Variants in FREM1 observed in about 807,000 individuals in gnomAD.
The protein encoded by FREM1 is FRAS1-related extracellular matrix protein 1.
In FREM1, 220 loss-of-function variants were observed where a neutral mutation model predicts 210.1. The ratio of observed to expected loss-of-function variants is 1.05; its 90% CI spans 0.94 to 1.17. FREM1 has a LOEUF of 1.17. Ranked by LOEUF, FREM1 falls within the 50% of genes most tolerant of loss-of-function variation. The pLI is 0.00. For missense variants in FREM1, 3,454 were observed against 2,675.5 expected (o/e 1.29, Z -6.42); for synonymous variants, 1,189 against 980.2 (o/e 1.21, Z -3.98).
Position 14,823,201 on chromosome 9 carries a change from A to T in FREM1, c.2296T>A (p.Phe766Ile). 6.2e-7 allele frequency: 1 copy of T among 1,613,984 alleles called. No individual in the cohort carries two copies. The highest frequency in any genetic ancestry group is 1.3e-5 in the African/African-American group (1 of 75,056). ...QHGGTLHGIC[F>I]NITILPVDNQ... ...TCCACTGGGAGGATTGTAATGTTAA[A>T]GCAGATCCCATGCAAAGTACCGCCA... The change falls in exon 13 of 37, where the codon TTT becomes ATT. Residue 766 changes from phenylalanine (F) to isoleucine (I), a missense_variant. Coordinates refer to ENST00000380880, the MANE Select transcript of FREM1 (RefSeq NM_001379081.2).
At chr9:14,755,121 C>T (rs1844078725) in intron 29 of FREM1, among the ~76,000 whole-genome samples, 1 of 152,174 alleles carries the variant, frequency 6.6e-6, no homozygotes, top group Non-Finnish European at 1.5e-5. Context: ...ATGCTGACAG[C>T]TTGATCTTGG....
chr9:14,873,125 A>G (rs1276126283), intron 1 of FREM1, among the ~76,000 whole-genome samples: 2 of 152,132 alleles, frequency 1.3e-5, no homozygotes, highest in African/African-American at 2.4e-5. Flanking sequence ...TTGGTCTAAA[A>G]TTCTCTTTTT....
At chr9:14,851,682 A>G in intron 5 of FREM1, 75 bp from the exon 6 acceptor site, 1 of 1,155,612 alleles carries the variant, frequency 8.7e-7, no homozygotes, top group South Asian at 1.2e-5. Flanking sequence ...TAATAGCATA[A>G]TATTTAATAC....
At chr9:14,792,161 G>A (rs1458491040) in intron 22 of FREM1, among the ~76,000 whole-genome samples, 1 of 151,984 alleles carries the variant, frequency 6.6e-6, no homozygotes, top group Non-Finnish European at 1.5e-5. Context: ...GGAGCTAGAG[G>A]CAGCCCTCCA....
intron 6 of FREM1, 55 bp downstream of exon 6, chr9:14,851,229 C>T: frequency 7.5e-7 from 1 of 1,336,362 alleles, no homozygotes; most frequent in Admixed American, 2.3e-5. Context: ...GTAGGGGGTT[C>T]TTAAATAACC....
intron 19 of FREM1, 93 bp downstream of exon 19, chr9:14,804,863 G>A: frequency 2.3e-6 from 2 of 868,168 alleles, no homozygotes; most frequent in Non-Finnish European, 3.8e-6. Context: ...CCAATGCAAT[G>A]TGTTAATGCA....
At chr9:14,885,187 C>A (rs1018170343) in intron 1 of FREM1, among the ~76,000 whole-genome samples, 2 of 151,814 alleles carry the variant, frequency 1.3e-5, no homozygotes, top group African/African-American at 4.8e-5. Context: ...GCCTCCCCAT[C>A]ATTGCTTTTT....
chr9:14,828,298 C>G (rs762405483), intron 10 of FREM1, among the ~76,000 whole-genome samples: 2 of 152,214 alleles, frequency 1.3e-5, no homozygotes. Flanking sequence ...TATTCACAAG[C>G]CTCAAGACTT....
intron 2 of FREM1, among the ~76,000 whole-genome samples, chr9:14,866,535 C>T (rs1831554643): frequency 6.6e-6 from 1 of 152,168 alleles, no homozygotes; most frequent in African/African-American, 2.4e-5. Context: ...ATCTGGTCAT[C>T]TGCAGGGCTT....
intron 36 of FREM1, among the ~76,000 whole-genome samples, chr9:14,738,642 C>G (rs909585970): frequency 3.9e-5 from 6 of 152,106 alleles, no homozygotes; most frequent in Admixed American, 2.0e-4. Flanking sequence ...TCAAATACAA[C>G]GCCTTTAAAG....
chr9:14,887,167 G>A (rs1288046216), intron 1 of FREM1, among the ~76,000 whole-genome samples: 1 of 152,198 alleles, frequency 6.6e-6, no homozygotes, highest in African/African-American at 2.4e-5. Flanking sequence ...TCTAAACTTA[G>A]AGAAAGTGGT....
At chr9:14,796,412 T>G (rs1852399992) in intron 21 of FREM1, among the ~76,000 whole-genome samples, 1 of 152,232 alleles carries the variant, frequency 6.6e-6, no homozygotes, top group South Asian at 2.1e-4. Flanking sequence ...TTCTGTAGAC[T>G]GTGTACAGTT....
rs547934749 is a variant in FREM1 at position 14,863,340 on chromosome 9, C to CAAA, written c.329+466_329+468dup. Among the ~76,000 whole-genome samples the CAAA allele has an allele frequency of 6.7e-5, 6 of 89,976 alleles. 1 individual carries two copies. The highest frequency in any genetic ancestry group is 2.1e-4 in the African/African-American group (6 of 28,330). 59.0% of individuals were successfully genotyped at this position (89,976 alleles called of 152,430 possible). ...TGGGTGACAGAGCAAGACTCCGTCT[C>CAAA]AAAAAAAAAAAAAAAAAGGAATTTT... On this transcript the variant is annotated intron_variant, in intron 3 of 36. Transcript: ENST00000380880.
chr9:14,746,565 G>C, intron 34 of FREM1, 97 bp from the exon 35 acceptor site: 1 of 926,696 alleles, frequency 1.1e-6, no homozygotes, highest in Non-Finnish European at 1.8e-6. Context: ...CTTCAGTCAA[G>C]TAGTTTGGTT....
chr9:14,776,564 AC>A (rs1167370147), intron 24 of FREM1, among the ~76,000 whole-genome samples: 1 of 152,116 alleles, frequency 6.6e-6, no homozygotes, highest in Non-Finnish European at 1.5e-5. Flanking sequence ...TGAAGAGTAT[AC>A]CCCCTTTATT....
chr9:14,878,969 A>T (rs1413338071), intron 1 of FREM1, among the ~76,000 whole-genome samples: 2 of 152,120 alleles, frequency 1.3e-5, no homozygotes, highest in African/African-American at 4.8e-5. Flanking sequence ...CAGCCTGGCC[A>T]TCACGGTGAA....
At chr9:14,803,159 CAT>C (rs1817625158) in intron 19 of FREM1, among the ~76,000 whole-genome samples, 8 of 132,358 alleles carry the variant, frequency 6.0e-5, no homozygotes, top group South Asian at 2.9e-4. Flanking sequence ...TTCCTTCCTT[CAT>C]CTTTCTTTCT....
At chr9:14,766,050 G>C (rs1846343173) in intron 27 of FREM1, among the ~76,000 whole-genome samples, 1 of 152,006 alleles carries the variant, frequency 6.6e-6, no homozygotes, top group South Asian at 2.1e-4. Flanking sequence ...CTTGTCAAGG[G>C]GTGCAGCCAG....
chr9:14,874,698 G>C (rs1833360769), intron 1 of FREM1, among the ~76,000 whole-genome samples: 1 of 152,118 alleles, frequency 6.6e-6, no homozygotes, highest in Admixed American at 6.5e-5. Flanking sequence ...ATGTGAATTT[G>C]ATCCTGTCAT....
Sources: allele counts gnomAD v4.1 joint callset (sites outside exome capture counted in the v4.1 genomes callset), GRCh38; gene constraint gnomAD v4.1.1; transcripts MANE v1.5; gene names NCBI Gene and HGNC (gene_info 2026-07-23, HGNC 2026-07-21).